The following PDE3B variants were observed in gnomAD, a reference collection of about 807,000 sequenced individuals.
PDE3B encodes the protein cGMP-inhibited 3',5'-cyclic phosphodiesterase 3B.
PDE3B carries 66 observed loss-of-function variants against 116.8 expected under a neutral mutation model. The observed-to-expected ratio is 0.56, with a 90% CI of 0.46 to 0.69. The LOEUF (loss-of-function observed/expected upper bound fraction) is 0.69, where lower values mean the gene tolerates loss of function less well. PDE3B is among the 30% of genes least tolerant of loss of function. The pLI is 0.00. For synonymous variants in PDE3B, 595 were observed against 533.6 expected (o/e 1.12, Z -1.59); for missense variants, 1,384 against 1,368.1 (o/e 1.01, Z -0.18).
Position 14,709,635 on chromosome 11 carries a change from A to G in PDE3B, c.979-62302A>G, listed in dbSNP as rs745985046. Among the ~76,000 whole-genome samples, 5 of 152,254 alleles carry G rather than the reference A, an allele frequency of 3.3e-5. No individual in the cohort carries two copies. In the East Asian group the frequency reaches 5.8e-4, roughly 18 times the overall value. On this transcript the variant is annotated intron_variant, in intron 1 of 15. Coordinates refer to ENST00000282096, the MANE Select transcript of PDE3B (RefSeq NM_000922.4). ...TGTGTGTGTTCTGGCTGGTGGTTCA[A>G]ATTTGGAGAGGAGATAGCACCTCTC...
intron 12 of PDE3B, among the ~76,000 whole-genome samples, chr11:14,856,576 C>G (rs1847854132): frequency 6.6e-6 from 1 of 151,782 alleles, no homozygotes; most frequent in Admixed American, 6.6e-5. Context: ...CTTAGTTGGC[C>G]AGGTGTGGTG....
rs1376204404 is a variant in PDE3B at position 14,644,421 on chromosome 11, T to C, written c.346T>C (p.Ser116Pro). Residue 116 changes from serine (S) to proline (P), a missense_variant, in exon 1 of 16, where the codon TCG becomes CCG. Around this residue, in one of 2 missense-constraint regions of PDE3B, gnomAD observed 956 missense variants for 806.8 expected, o/e 1.18. Coordinates refer to ENST00000282096, the MANE Select transcript of PDE3B (RefSeq NM_000922.4). Reference protein sequence around the residue: ...AWLRTLLSVCSHSLSPLFSIA... With the variant: ...AWLRTLLSVCPHSLSPLFSIA... ...GCTGCGGACGCTGCTGAGCGTGTGT[T>C]CGCACAGCTTGAGCCCCCTCTTCAG... is the stretch of plus-strand genomic sequence containing the variant. The C allele has an allele frequency of 1.2e-6, 2 of 1,611,634 alleles. No individual in the cohort carries two copies. The highest frequency in any genetic ancestry group is 4.5e-5 in the East Asian group (2 of 44,654).
chr11:14,705,780 G>A (rs775038873), intron 1 of PDE3B, among the ~76,000 whole-genome samples: 3 of 151,664 alleles, frequency 2.0e-5, no homozygotes. Context: ...GTGTGTGTAT[G>A]GTCTTAGCTC....
Position 14,819,167 on chromosome 11 carries a change from A to G in PDE3B, c.1765A>G (p.Thr589Ala). 2 of 1,597,848 alleles carry G rather than the reference A, an allele frequency of 1.3e-6. No homozygotes were observed. The highest frequency in any genetic ancestry group is 8.6e-7 in the Non-Finnish European group (1 of 1,168,870). ...CGHQMLKYVSTSESDGTDCCS... is the reference protein window; with the variant it reads ...CGHQMLKYVSASESDGTDCCS... ...ACATCAAATGCTGAAATATGTTTCA[A>G]CATCTGAATCAGATGGTACAGATTG... is the stretch of plus-strand genomic sequence containing the variant. Residue 589 changes from threonine (T) to alanine (A), a missense_variant, in exon 7 of 16, where the codon ACA (threonine) becomes GCA (alanine). Transcript: ENST00000282096.
At chr11:14,757,193 A>G (rs919682453) in intron 1 of PDE3B, among the ~76,000 whole-genome samples, 37 of 151,776 alleles carry the variant, frequency 2.4e-4, no homozygotes, top group Non-Finnish European at 4.3e-4. Flanking sequence ...TTCTTAATCC[A>G]GTCTATCATT....
At chr11:14,783,017 A>G (rs1377247003) in intron 2 of PDE3B, among the ~76,000 whole-genome samples, 1 of 152,254 alleles carries the variant, frequency 6.6e-6, no homozygotes, top group East Asian at 1.9e-4. Context: ...AATGCTCATC[A>G]TCACTGGCCA....
chr11:14,662,120 A>G (rs1386196990), intron 1 of PDE3B, among the ~76,000 whole-genome samples: 2 of 152,160 alleles, frequency 1.3e-5, no homozygotes, highest in Non-Finnish European at 2.9e-5. Flanking sequence ...CTTCCAGAGG[A>G]ACGATCAGAC....
chr11:14,779,499 G>T (rs1309281310), intron 2 of PDE3B, among the ~76,000 whole-genome samples: 1 of 152,180 alleles, frequency 6.6e-6, no homozygotes, highest in Non-Finnish European at 1.5e-5. Flanking sequence ...CCAGGAGAGA[G>T]TGGGGTCCAA....
At chr11:14,882,765 A>G in the PDE3B span, among the ~76,000 whole-genome samples, 3 of 152,220 alleles carry the variant, frequency 2.0e-5, no homozygotes, top group South Asian at 6.2e-4. Flanking sequence ...AGATGACATG[A>G]TTGTATAACG....
intron 11 of PDE3B, among the ~76,000 whole-genome samples, chr11:14,838,450 G>T (rs1157557898): frequency 2.0e-5 from 3 of 152,216 alleles, no homozygotes; most frequent in African/African-American, 7.2e-5. Flanking sequence ...TAATCAAAAA[G>T]AGATCATTTG....
chr11:14,676,065 T>G (rs1196053917), intron 1 of PDE3B, among the ~76,000 whole-genome samples: 1 of 152,178 alleles, frequency 6.6e-6, no homozygotes, highest in African/African-American at 2.4e-5. Context: ...TTCTTTTATT[T>G]TAGCCATATA....
chr11:14,878,029 A>T, the PDE3B span: 69 of 1,369,972 alleles, frequency 5.0e-5, 2 homozygotes, highest in South Asian at 8.3e-4. Context: ...TGATGCTGTG[A>T]CTTTTATTCT....
intron 12 of PDE3B, among the ~76,000 whole-genome samples, chr11:14,849,355 T>G (rs949826746): frequency 1.4e-5 from 2 of 142,782 alleles, no homozygotes; most frequent in Non-Finnish European, 3.1e-5. Context: ...ATTAAAGACT[T>G]AAACGTTAGA....
At chr11:14,730,273 C>T (rs748158758) in intron 1 of PDE3B, among the ~76,000 whole-genome samples, 2 of 152,100 alleles carry the variant, frequency 1.3e-5, no homozygotes, top group Non-Finnish European at 2.9e-5. Context: ...ACTGTAACTA[C>T]AAGAATAGTT....
the PDE3B span, among the ~76,000 whole-genome samples, chr11:14,895,169 G>T: frequency 6.6e-6 from 1 of 152,206 alleles, no homozygotes; most frequent in Non-Finnish European, 1.5e-5. Context: ...TGGGCCGTGG[G>T]AGTTGTCCCA....
chr11:14,745,104 C>T (rs1046457660), intron 1 of PDE3B, among the ~76,000 whole-genome samples: 4 of 152,160 alleles, frequency 2.6e-5, no homozygotes, highest in East Asian at 3.9e-4. Flanking sequence ...GGATTATAGG[C>T]GTGAGCCACT....
intron 1 of PDE3B, among the ~76,000 whole-genome samples, chr11:14,679,586 C>T (rs987491356): frequency 6.6e-6 from 1 of 151,876 alleles, no homozygotes; most frequent in South Asian, 2.1e-4. Context: ...CACTCGGGAC[C>T]CTTGGTGGGC....
chr11:14,702,214 G>A (rs1433679622), intron 1 of PDE3B, among the ~76,000 whole-genome samples: 1 of 151,560 alleles, frequency 6.6e-6, no homozygotes, highest in African/African-American at 2.4e-5. Context: ...ATTTCTTAGA[G>A]GGGTTCCTTA....
rs188576667 is a variant in PDE3B, at chr11:14,801,466, G to A, written c.1416-2478G>A. Among the ~76,000 whole-genome samples, 12 of 152,372 alleles carry A rather than the reference G, an allele frequency of 7.9e-5. No individual in the cohort carries two copies. In the East Asian group the frequency reaches 2.1e-3, roughly 27 times the overall value. On this transcript the variant is annotated intron_variant, in intron 4 of 15. Coordinates refer to ENST00000282096, the MANE Select transcript of PDE3B (RefSeq NM_000922.4). ...TGCCTGGATGTCACCAGGAGAGGCT[G>A]CAGAGCAGCAATCATTACTGCCTGT...
Sources: gnomAD v4.1 joint callset for allele counts (sites outside exome capture counted in the v4.1 genomes callset) on GRCh38, gnomAD v4.1.1 for gene constraint, gnomAD v4.1.1 regional missense constraint, MANE v1.5 for transcripts, NCBI Gene and HGNC (gene_info 2026-07-23, HGNC 2026-07-21) for gene names.